Variants in ITIH5 observed in about 807,000 individuals in gnomAD.
ITIH5 encodes the protein inter-alpha-trypsin inhibitor heavy chain 5, also known as inter-alpha-trypsin inhibitor heavy chain H5.
In ITIH5, 65 loss-of-function variants were observed where a neutral mutation model predicts 77.5. That is an observed-to-expected ratio of 0.84 (90% CI 0.69 to 1.03). ITIH5 has a LOEUF of 1.03. Ranked by LOEUF, ITIH5 falls within the 50% of genes least tolerant of loss-of-function variation. The probability of loss-of-function intolerance (pLI) is 0.00; values close to 1 mark genes in which losing one functional copy is unlikely to be tolerated. For missense variants in ITIH5, 1,208 were observed against 1,213.1 expected (o/e 1.00, Z 0.06); for synonymous variants, 525 against 494.3 (o/e 1.06, Z -0.82).
chr10:7,572,444 C>T (rs768941082), intron 11 of ITIH5: 41 of 1,345,212 alleles, frequency 3.0e-5, no homozygotes, highest in Non-Finnish European at 3.9e-5. Flanking sequence ...TCACACCAGA[C>T]ATTTTTATTT....
At chr10:7,643,758 T>C (rs1486943169) in intron 2 of ITIH5, among the ~76,000 whole-genome samples, 1 of 152,236 alleles carries the variant, frequency 6.6e-6, no homozygotes, top group East Asian at 1.9e-4. Context: ...CCTATTGCTA[T>C]CAAAGACATA....
chr10:7,616,729 G>A (rs1326635931), intron 6 of ITIH5, among the ~76,000 whole-genome samples: 1 of 152,166 alleles, frequency 6.6e-6, no homozygotes, highest in Non-Finnish European at 1.5e-5. Flanking sequence ...TCGGGAGGCT[G>A]AGGCAGGAGA....
intron 2 of ITIH5, among the ~76,000 whole-genome samples, chr10:7,643,583 A>G (rs2131084331): frequency 6.6e-6 from 1 of 152,332 alleles, no homozygotes; most frequent in Non-Finnish European, 1.5e-5. Flanking sequence ...TGGGCACACA[A>G]AGGCTCTCAA....
At chr10:7,583,984 G>A (rs954154873) in intron 8 of ITIH5, among the ~76,000 whole-genome samples, 2 of 152,194 alleles carry the variant, frequency 1.3e-5, no homozygotes, top group African/African-American at 4.8e-5. Flanking sequence ...GACTTCCTAT[G>A]TGCCAGGACC....
Position 7,666,863 on chromosome 10 carries a change from C to G in ITIH5, c.30G>C (p.Gly10=). MLLLLGLCL[G]LSLCVGSQEE... ...CCTGCGACCCCACACACAGGGACAG[C>G]CCCAGGCACAGCCCCAGCAGCAGGA... Residue 10 remains glycine, a synonymous_variant, in exon 1 of 14, where the codon GGG becomes GGC. Coordinates refer to ENST00000397146, the MANE Select transcript of ITIH5 (RefSeq NM_030569.7). 6.2e-7 allele frequency: 1 copy of G among 1,601,368 alleles called. No homozygotes were observed. Among genetic ancestry groups the G allele is most frequent in the Admixed American group, 1.7e-5 (1 of 59,004 alleles).
At chr10:7,571,030 T>G (rs1359236276) in intron 11 of ITIH5, among the ~76,000 whole-genome samples, 1 of 152,210 alleles carries the variant, frequency 6.6e-6, no homozygotes, top group African/African-American at 2.4e-5. Context: ...CTTTTTAAGC[T>G]GCAGCAAACT....
intron 1 of ITIH5, among the ~76,000 whole-genome samples, chr10:7,666,133 G>C (rs575324098): frequency 6.6e-6 from 1 of 152,298 alleles, no homozygotes; most frequent in South Asian, 2.1e-4. Context: ...GTGTGAACCC[G>C]CTTCATACTT....
At position 7,568,964 on chromosome 10, in the gene ITIH5, T is replaced by G. The variant is rs370176433; in HGVS notation, c.2149+704A>C. On this transcript the variant is annotated intron_variant, in intron 12 of 13. Transcript: ENST00000397146. ...TTTGAATGGATAGACACTATGACAA[T>G]AATACACAATAATATATTGTGGTTT... is the stretch of plus-strand genomic sequence containing the variant. Among the ~76,000 whole-genome samples, 241 of 151,564 alleles carry G rather than the reference T, an allele frequency of 1.6e-3. 1 individual carries two copies. The highest frequency in any genetic ancestry group is 6.8e-3 in the Middle Eastern group (2 of 294).
intron 1 of ITIH5, among the ~76,000 whole-genome samples, chr10:7,657,176 C>G (rs1397591686): frequency 6.6e-6 from 1 of 150,738 alleles, no homozygotes; most frequent in African/African-American, 2.4e-5. Context: ...TCCTGAGTAG[C>G]TGGGACTACA....
intron 5 of ITIH5, among the ~76,000 whole-genome samples, chr10:7,629,333 G>A (rs369971491): frequency 0.073 from 6,229 of 85,228 alleles, 1,025 homozygotes; most frequent in African/African-American, 0.14. Flanking sequence ...ATGTTGTAGC[G>A]TGTGCCCATG....
Position 7,586,076 on chromosome 10 carries a change from A to G in ITIH5, c.940-7T>C. On this transcript the variant is annotated splice_region_variant and splice_polypyrimidine_tract_variant and intron_variant, in intron 7 of 13. Coordinates refer to ENST00000397146, the MANE Select transcript of ITIH5 (RefSeq NM_030569.7). ...TGAAGAGGGCATCCTTGGTCTAGGC[A>G]AACACAAAAGCAAAACCAGTCACAG... 6.2e-7 allele frequency: 1 copy of G among 1,610,306 alleles called. No individual in the cohort carries two copies. Among genetic ancestry groups the G allele is most frequent in the Non-Finnish European group, 8.5e-7 (1 of 1,178,448 alleles).
chr10:7,603,892 T>C (rs1833068741), intron 7 of ITIH5, among the ~76,000 whole-genome samples: 1 of 152,160 alleles, frequency 6.6e-6, no homozygotes, highest in Non-Finnish European at 1.5e-5. Flanking sequence ...CTGATATGGG[T>C]ATTTTTGAAG....
In ITIH5 at chr10:7,641,865, T is replaced by C. The variant is rs1410489297; in HGVS notation, c.299+62A>G. 2.1e-6 allele frequency: 3 copies of C among 1,448,822 alleles called. No individual in the cohort carries two copies. In the Admixed American group the frequency reaches 5.2e-5, roughly 25 times the overall value. 89.7% of individuals were successfully genotyped at this position (1,448,822 alleles called of 1,614,324 possible). On this transcript the variant is annotated intron_variant, in intron 3 of 13. Coordinates refer to ENST00000397146, the MANE Select transcript of ITIH5 (RefSeq NM_030569.7). ...CAGTCACAAGGCTGTGGACCTCACA[T>C]CTCAGGCTCAACCTGACCACCCTAG...
intron 5 of ITIH5, chr10:7,617,506 A>C (rs1246132143): frequency 2.8e-6 from 1 of 360,596 alleles, no homozygotes; most frequent in African/African-American, 2.1e-5. Flanking sequence ...CATTTTTAAA[A>C]CACACAAAAG....
rs755868465 is a variant in ITIH5, at chr10:7,576,549, G to A, written c.1882C>T (p.Pro628Ser). Residue 628 changes from proline to serine, a missense_variant, in exon 10 of 14, where the codon CCA (proline) becomes TCA (serine). Pro to Ser is a moderately conservative substitution (Grantham distance 74, BLOSUM62 -1). Coordinates refer to ENST00000397146, the MANE Select transcript of ITIH5 (RefSeq NM_030569.7). ...FTSMKLRGPV[P>S]RMDGLEEAHG... is the part of the protein sequence containing the mutation. ...GCCTCCTCCAGGCCATCCATGCGTG[G>A]GACCGGCCCCCTCAGCTTCATGGAG... The A allele has an allele frequency of 3.1e-6, 5 of 1,613,542 alleles. No homozygotes were observed. The Admixed American group carries it at 5.0e-5, about 16-fold the overall frequency.
At chr10:7,577,050 C>T (rs764932652) in intron 9 of ITIH5, 38 bp from the exon 10 acceptor site, 1 of 1,542,382 alleles carries the variant, frequency 6.5e-7, no homozygotes, top group African/African-American at 1.4e-5. Context: ...AGATCAGGGC[C>T]CTGCTCTGAC....
rs901447161 is a variant in ITIH5, at chr10:7,559,661, C to T, written c.*3422G>A. ...GCTTGGGCTGCCTTAACAAGAATAC[C>T]ACAGACTTGAGTAGCTTAAACAAAA... On this transcript the variant is annotated 3_prime_UTR_variant, in exon 14 of 14. Coordinates refer to ENST00000397146, the MANE Select transcript of ITIH5 (RefSeq NM_030569.7). The T allele has an allele frequency of 2.7e-5, 9 of 332,596 alleles. No homozygotes were observed. The highest frequency in any genetic ancestry group is 7.8e-5 in the Admixed American group (2 of 25,668). The allele number at this position is 332,596 out of a possible 1,614,324, so 20.6% of individuals were successfully genotyped here.
intron 10 of ITIH5, 72 bp downstream of exon 10, chr10:7,576,381 C>T: frequency 1.5e-6 from 2 of 1,294,488 alleles, no homozygotes; most frequent in South Asian, 1.5e-5. Context: ...CCTGCTGGGG[C>T]TTCCTGTGGA....
intron 8 of ITIH5, among the ~76,000 whole-genome samples, chr10:7,583,158 G>A (rs940192039): frequency 1.2e-4 from 19 of 152,006 alleles, no homozygotes; most frequent in South Asian, 1.2e-3. Flanking sequence ...AAAATGTACC[G>A]CATCTGAGAG....
Sources: gnomAD v4.1 joint callset for allele counts (sites outside exome capture counted in the v4.1 genomes callset) on GRCh38, gnomAD v4.1.1 for gene constraint, MANE v1.5 for transcripts, NCBI Gene and HGNC (gene_info 2026-07-23, HGNC 2026-07-21) for gene names.